The following IGFL2 variants were observed in gnomAD, a reference collection of about 807,000 sequenced individuals.
IGFL2 encodes the protein insulin growth factor-like family member 2.
A neutral mutation model predicts 13.9 loss-of-function variants in IGFL2; 7 were observed. The observed-to-expected ratio is 0.51, with a 90% CI of 0.29 to 0.95. The LOEUF (loss-of-function observed/expected upper bound fraction) is 0.95, where lower values mean the gene tolerates loss of function less well. Among genes scored for constraint, IGFL2 ranks in the 40% least tolerant of loss-of-function variants. The pLI, the probability that IGFL2 is intolerant of heterozygous loss-of-function variation, is 0.08. For synonymous variants in IGFL2, 55 were observed against 55.8 expected (o/e 0.99, Z 0.07); for missense variants, 138 against 147.8 (o/e 0.93, Z 0.34).
chr19:46,153,803 C>T (rs1390051684), intron 1 of IGFL2, among the ~76,000 whole-genome samples: 1 of 147,288 alleles, frequency 6.8e-6, no homozygotes, highest in Non-Finnish European at 1.5e-5. Context: ...CTTTTTATTA[C>T]AAATTATATA....
the IGFL2 span, among the ~76,000 whole-genome samples, chr19:46,085,569 C>G: frequency 2.0e-5 from 3 of 151,540 alleles, no homozygotes; most frequent in Non-Finnish European, 2.9e-5. Flanking sequence ...GGTCTTGCTT[C>G]TTTATCTAAC....
At chr19:46,210,839 C>T in the IGFL2 span, among the ~76,000 whole-genome samples, 4 of 152,212 alleles carry the variant, frequency 2.6e-5, no homozygotes, top group Non-Finnish European at 5.9e-5. Context: ...CAAGTTGACA[C>T]TCAGTACTAA....
chr19:46,160,573 A>G, intron 2 of IGFL2, 41 bp from the exon 3 acceptor site: 1 of 1,613,552 alleles, frequency 6.2e-7, no homozygotes, highest in South Asian at 1.1e-5. Context: ...GTGCCTGGTT[A>G]TCCTTGAGCT....
At chr19:46,090,735 G>C in the IGFL2 span, among the ~76,000 whole-genome samples, 1 of 152,214 alleles carries the variant, frequency 6.6e-6, no homozygotes, top group Non-Finnish European at 1.5e-5. Flanking sequence ...CTGTAGCCCA[G>C]GGCCCAGGCT....
the IGFL2 span, among the ~76,000 whole-genome samples, chr19:46,182,959 C>T: frequency 3.9e-5 from 6 of 152,092 alleles, no homozygotes; most frequent in Non-Finnish European, 8.8e-5. Context: ...CTCAATGCTT[C>T]CCACTTCTCC....
chr19:46,204,812 C>G, the IGFL2 span: 1 of 152,402 alleles, frequency 6.6e-6, no homozygotes, highest in Non-Finnish European at 1.5e-5. Context: ...CAGTCTCACT[C>G]TGTCGCGCAG....
chr19:46,178,817 G>C, the IGFL2 span, among the ~76,000 whole-genome samples: 3 of 151,938 alleles, frequency 2.0e-5, no homozygotes, highest in Non-Finnish European at 4.4e-5. Context: ...ATTGATTTAT[G>C]TCTTTGCCTG....
At chr19:46,128,179 AT>A in the IGFL2 span, among the ~76,000 whole-genome samples, 1 of 152,212 alleles carries the variant, frequency 6.6e-6, no homozygotes, top group East Asian at 1.9e-4. Flanking sequence ...AAAAATGTAC[AT>A]TTGTACATTG....
chr19:46,191,248 C>T, the IGFL2 span, among the ~76,000 whole-genome samples: 3 of 152,070 alleles, frequency 2.0e-5, no homozygotes, highest in Non-Finnish European at 2.9e-5. Context: ...AAAGGGAAGA[C>T]GCAGGGCCAT....
chr19:46,194,069 C>T, the IGFL2 span, among the ~76,000 whole-genome samples: 4 of 152,250 alleles, frequency 2.6e-5, no homozygotes, highest in Non-Finnish European at 2.9e-5. Flanking sequence ...TGAAACTTGT[C>T]ATTCAAATGG....
At chr19:46,184,397 C>G in the IGFL2 span, among the ~76,000 whole-genome samples, 53 of 152,136 alleles carry the variant, frequency 3.5e-4, no homozygotes, top group Admixed American at 9.8e-4. Context: ...TTAGGTATTT[C>G]TCCTAATGCT....
the IGFL2 span, among the ~76,000 whole-genome samples, chr19:46,132,695 AGAAGAAAG>A: frequency 6.7e-6 from 1 of 149,740 alleles, no homozygotes; most frequent in Non-Finnish European, 1.5e-5. Flanking sequence ...AGAGGAAAGA[AGAAGAAAG>A]GGAAGGAGGG....
At chr19:46,081,685 C>T in the IGFL2 span, among the ~76,000 whole-genome samples, 1 of 151,710 alleles carries the variant, frequency 6.6e-6, no homozygotes, top group South Asian at 2.1e-4. Flanking sequence ...CTTACCTCTG[C>T]ACAGTTCTTC....
At chr19:46,081,001 G>C in the IGFL2 span, among the ~76,000 whole-genome samples, 1 of 152,158 alleles carries the variant, frequency 6.6e-6, no homozygotes, top group Non-Finnish European at 1.5e-5. Flanking sequence ...CACGCACTGG[G>C]GATCATCAGC....
At chr19:46,078,881 C>G in the IGFL2 span, among the ~76,000 whole-genome samples, 1,614 of 126,322 alleles carry the variant, frequency 0.013, 28 homozygotes, top group Middle Eastern at 0.029. Flanking sequence ...AGACATCGCG[C>G]AGGCGTCGTC....
At chr19:46,120,448 T>G in the IGFL2 span, 1 of 1,562,610 alleles carries the variant, frequency 6.4e-7, no homozygotes, top group African/African-American at 1.4e-5. Flanking sequence ...CAAACTTGAC[T>G]TTAACAGACT....
chr19:46,120,347 G>A, the IGFL2 span: 1 of 1,611,120 alleles, frequency 6.2e-7, no homozygotes, highest in Non-Finnish European at 8.5e-7. Flanking sequence ...TACAGGACGT[G>A]CCTCCTGTTC....
chr19:46,192,059 C>G, the IGFL2 span, among the ~76,000 whole-genome samples: 1 of 152,158 alleles, frequency 6.6e-6, no homozygotes, highest in Admixed American at 6.5e-5. Context: ...CCTTGTCTTT[C>G]TCCTTGGAGT....
chr19:46,153,839 ATTT>A (rs1555744721), intron 1 of IGFL2, among the ~76,000 whole-genome samples: 1 of 139,366 alleles, frequency 7.2e-6, no homozygotes, highest in African/African-American at 2.7e-5. Context: ...ATATATATAT[ATTT>A]TTTTTACTTT....
Sources: gnomAD v4.1 joint callset for allele counts (sites outside exome capture counted in the v4.1 genomes callset) on GRCh38, gnomAD v4.1.1 for gene constraint, MANE v1.5 for transcripts, NCBI Gene and HGNC (gene_info 2026-07-23, HGNC 2026-07-21) for gene names.